The following NKAIN3 variants were observed in gnomAD, a reference collection of about 807,000 sequenced individuals.
NKAIN3 encodes the protein sodium/potassium-transporting ATPase subunit beta-1-interacting protein 3.
NKAIN3 carries 25 observed loss-of-function variants against 30.2 expected under a neutral mutation model. That is an observed-to-expected ratio of 0.83 (90% CI 0.60 to 1.16). The LOEUF (loss-of-function observed/expected upper bound fraction) is 1.16. Ranked by LOEUF, NKAIN3 falls within the 50% of genes most tolerant of loss-of-function variation. The probability of loss-of-function intolerance (pLI) is 0.00; values close to 1 mark genes in which losing one functional copy is unlikely to be tolerated. For missense variants in NKAIN3, 225 were observed against 254.1 expected (o/e 0.89, Z 0.78); for synonymous variants, 91 against 89.6 (o/e 1.02, Z -0.09).
chr8:62,549,344 AG>A (rs1292389300), intron 1 of NKAIN3, among the ~76,000 whole-genome samples: 1 of 152,030 alleles, frequency 6.6e-6, no homozygotes, highest in Non-Finnish European at 1.5e-5. Context: ...GGGGGATCGG[AG>A]GGGGGCCTGT....
chr8:62,623,534 T>C (rs541862614), intron 3 of NKAIN3, among the ~76,000 whole-genome samples: 1 of 152,164 alleles, frequency 6.6e-6, no homozygotes, highest in East Asian at 1.9e-4. Context: ...ATTAGATCAA[T>C]TAAGAATAAT....
chr8:62,573,510 C>T (rs1040791947), intron 1 of NKAIN3, among the ~76,000 whole-genome samples: 1 of 151,504 alleles, frequency 6.6e-6, no homozygotes, highest in African/African-American at 2.4e-5. Context: ...TACTTCCCTC[C>T]TCTCCTCCTT....
Position 62,278,894 on chromosome 8 carries a change from A to C in NKAIN3, c.54+29767A>C, listed in dbSNP as rs528908528. On this transcript the variant is annotated intron_variant, in intron 1 of 6. Transcript: ENST00000623646. Reference sequence around the variant, plus strand: ...TTTATAATCCTTTGGGTATATGCCCAGTAATTGGATGGCTGGGTCAAATGG... The same window carrying C: ...TTTATAATCCTTTGGGTATATGCCCCGTAATTGGATGGCTGGGTCAAATGG... Among the ~76,000 whole-genome samples, 3 of 152,332 alleles carry C rather than the reference A, an allele frequency of 2.0e-5. No individual in the cohort carries two copies. The South Asian group carries it at 6.2e-4, about 32-fold the overall frequency.
intron 4 of NKAIN3, among the ~76,000 whole-genome samples, chr8:62,789,679 AACACCTCT>A (rs1363734604): frequency 3.3e-5 from 5 of 152,136 alleles, no homozygotes; most frequent in Admixed American, 1.3e-4. Flanking sequence ...GAATACTACA[AACACCTCT>A]ACACAAATAA....
At chr8:62,649,468 T>G (rs533301332) in intron 3 of NKAIN3, among the ~76,000 whole-genome samples, 84 of 152,280 alleles carry the variant, frequency 5.5e-4, no homozygotes, top group Middle Eastern at 6.8e-3. Flanking sequence ...ATATTTAAAT[T>G]TTGTGAATAA....
At chr8:62,559,274 A>G (rs1363136700) in intron 1 of NKAIN3, among the ~76,000 whole-genome samples, 3 of 151,650 alleles carry the variant, frequency 2.0e-5, no homozygotes, top group Non-Finnish European at 4.4e-5. Context: ...TCCATAATAC[A>G]CTCATTTTTA....
At chr8:62,504,582 T>C (rs897543711) in intron 1 of NKAIN3, among the ~76,000 whole-genome samples, 6 of 152,184 alleles carry the variant, frequency 3.9e-5, no homozygotes, top group Admixed American at 6.5e-5. Flanking sequence ...TATTTGTTCC[T>C]GGATTGTTGC....
intron 4 of NKAIN3, among the ~76,000 whole-genome samples, chr8:62,842,715 T>C (rs1214699848): frequency 6.6e-6 from 1 of 152,134 alleles, no homozygotes; most frequent in African/African-American, 2.4e-5. Flanking sequence ...CATGCCTTCA[T>C]GGTCAATTGA....
In NKAIN3 at chr8:62,801,374, G is replaced by A. The variant is rs562899776; in HGVS notation, c.471+54245G>A. Among the ~76,000 whole-genome samples the A allele has an allele frequency of 3.5e-3, 528 of 152,306 alleles. 10 individuals carry two copies. Among genetic ancestry groups the A allele is most frequent in the South Asian group, 3.7e-3 (18 of 4,828 alleles). The stretch of plus-strand genomic sequence containing the variant: ...CCTAACTGGGAGGCACCCCCCGATA[G>A]GGGCAGACTGACACCTCACACAGCC... On this transcript the variant is annotated intron_variant, in intron 4 of 6. Transcript: ENST00000623646.
At chr8:62,824,537 G>C in intron 4 of NKAIN3, among the ~76,000 whole-genome samples, 1 of 149,238 alleles carries the variant, frequency 6.7e-6, no homozygotes, top group Non-Finnish European at 1.5e-5. Context: ...CACACAAATA[G>C]TGGTGAGTGC....
chr8:62,373,032 G>A (rs557482530), intron 1 of NKAIN3, among the ~76,000 whole-genome samples: 53 of 152,180 alleles, frequency 3.5e-4, no homozygotes, highest in African/African-American at 1.3e-3. Context: ...CTTTGACTCA[G>A]GATGTCTAAT....
chr8:62,758,847 A>C (rs1816543744), intron 4 of NKAIN3, among the ~76,000 whole-genome samples: 1 of 152,248 alleles, frequency 6.6e-6, no homozygotes, highest in South Asian at 2.1e-4. Context: ...GGGAAATTAG[A>C]GACAGAATTA....
At chr8:62,763,743 G>A (rs568937842) in intron 4 of NKAIN3, among the ~76,000 whole-genome samples, 3 of 152,290 alleles carry the variant, frequency 2.0e-5, no homozygotes, top group South Asian at 4.1e-4. Context: ...AAGAGTTAAC[G>A]AAAGAGGAAA....
At chr8:62,866,974 G>A (rs148883944) in intron 4 of NKAIN3, among the ~76,000 whole-genome samples, 3,861 of 150,760 alleles carry the variant, frequency 0.026, 140 homozygotes, top group African/African-American at 0.077. Context: ...AGAATGGCGT[G>A]AACGCTGGAG....
At chr8:62,901,020 A>G (rs1001259307) in intron 4 of NKAIN3, among the ~76,000 whole-genome samples, 1 of 152,170 alleles carries the variant, frequency 6.6e-6, no homozygotes, top group Non-Finnish European at 1.5e-5. Flanking sequence ...ACCCAAGAAC[A>G]GTAATGGTCC....
intron 5 of NKAIN3, 148 bp downstream of exon 5, chr8:62,918,661 T>C: frequency 3.1e-6 from 2 of 643,386 alleles, no homozygotes; most frequent in Non-Finnish European, 5.5e-6. Context: ...AGTCAAAAGT[T>C]GACAGACTGA....
At chr8:62,730,489 AT>A (rs1402681166) in intron 3 of NKAIN3, among the ~76,000 whole-genome samples, 1 of 151,978 alleles carries the variant, frequency 6.6e-6, no homozygotes, top group Non-Finnish European at 1.5e-5. Context: ...AATGCTATAT[AT>A]TTTTCCTAAA....
intron 4 of NKAIN3, among the ~76,000 whole-genome samples, chr8:62,762,273 G>C (rs115393926): frequency 2.6e-5 from 4 of 151,838 alleles, no homozygotes; most frequent in East Asian, 3.9e-4. Flanking sequence ...CCAAGATAAG[G>C]CCAGTGCAGT....
chr8:62,691,216 T>G (rs1021626541), intron 3 of NKAIN3, among the ~76,000 whole-genome samples: 1 of 152,196 alleles, frequency 6.6e-6, no homozygotes, highest in African/African-American at 2.4e-5. Context: ...ATTGTAGAAG[T>G]GCTTTCAGCC....
Sources: allele counts gnomAD v4.1 joint callset (sites outside exome capture counted in the v4.1 genomes callset), GRCh38; gene constraint gnomAD v4.1.1; transcripts MANE v1.5; gene names NCBI Gene and HGNC (gene_info 2026-07-23, HGNC 2026-07-21).